Variants in METTL25 observed in about 807,000 individuals in gnomAD.
METTL25 encodes the protein methyltransferase like 25, also known as probable methyltransferase-like protein 25.
In METTL25, 64 loss-of-function variants were observed where a neutral mutation model predicts 71.6. That is an observed-to-expected ratio of 0.89 (90% CI 0.73 to 1.10). The LOEUF is 1.10. Ranked by LOEUF, METTL25 falls within the 50% of genes least tolerant of loss-of-function variation. The probability of loss-of-function intolerance (pLI) is 0.00; values close to 1 mark genes in which losing one functional copy is unlikely to be tolerated. For synonymous variants in METTL25, 287 were observed against 250.3 expected (o/e 1.15, Z -1.38); for missense variants, 807 against 707.0 (o/e 1.14, Z -1.60).
At chr12:82,430,866 T>G (rs1159828493) in intron 5 of METTL25, 27 bp from the exon 6 acceptor site, 1 of 1,165,408 alleles carries the variant, frequency 8.6e-7, no homozygotes, top group Non-Finnish European at 1.2e-6. Flanking sequence ...TTTATTTAAA[T>G]AATCCGTATT....
chr12:82,380,011 T>C (rs1489086802), intron 1 of METTL25, among the ~76,000 whole-genome samples: 1 of 152,202 alleles, frequency 6.6e-6, no homozygotes, highest in Non-Finnish European at 1.5e-5. Flanking sequence ...ATTTGAGGTT[T>C]TAAAAATTCT....
rs761300709 is a variant in METTL25, at chr12:82,358,823, A to G, written c.258A>G (p.Ala86=). 3 of 1,536,742 alleles carry G rather than the reference A, an allele frequency of 2.0e-6. No individual in the cohort carries two copies. Among genetic ancestry groups the G allele is most frequent in the Middle Eastern group, 1.7e-4 (1 of 5,732 alleles). The change falls in exon 1 of 12, where the codon GCA becomes GCG. Residue 86 remains alanine (A), a splice_region_variant and synonymous_variant. Coordinates refer to ENST00000248306, the MANE Select transcript of METTL25 (RefSeq NM_032230.3). The part of the protein sequence containing the change: ...TRPLVEAEWE[A]GMTDFPKIFC... ...CCCTAGTGGAAGCAGAGTGGGAAGC[A>G]GGTGGGTGGTGGGGTAGGCGGGGCG...
At chr12:82,421,053 G>A (rs556141753) in intron 5 of METTL25, among the ~76,000 whole-genome samples, 3 of 152,038 alleles carry the variant, frequency 2.0e-5, no homozygotes, top group Non-Finnish European at 4.4e-5. Flanking sequence ...GTACAGACGG[G>A]GTTTCGCCAT....
intron 9 of METTL25, among the ~76,000 whole-genome samples, chr12:82,467,973 T>C (rs1449655064): frequency 6.6e-6 from 1 of 151,950 alleles, no homozygotes; most frequent in African/African-American, 2.4e-5. Flanking sequence ...ATAGGCTTTT[T>C]TTTATTTTTT....
intron 8 of METTL25, among the ~76,000 whole-genome samples, chr12:82,441,828 C>CACACACACAT (rs1389305192): frequency 6.6e-6 from 1 of 150,772 alleles, no homozygotes; most frequent in Non-Finnish European, 1.5e-5. Flanking sequence ...CACACACACA[C>CACACACACAT]ACACAGAAAA....
intron 9 of METTL25, among the ~76,000 whole-genome samples, chr12:82,466,598 G>C (rs1455591865): frequency 1.3e-5 from 2 of 151,950 alleles, no homozygotes; most frequent in Non-Finnish European, 1.5e-5. Flanking sequence ...ATAAATGTCT[G>C]TTCTGTTAGT....
At chr12:82,437,630 A>G (rs1056194546) in intron 7 of METTL25, among the ~76,000 whole-genome samples, 8 of 151,714 alleles carry the variant, frequency 5.3e-5, no homozygotes, top group Non-Finnish European at 1.0e-4. Context: ...TAATTAAAAC[A>G]TATTTATTCT....
At chr12:82,430,719 A>G (rs951912224) in intron 5 of METTL25, among the ~76,000 whole-genome samples, 174 bp from the exon 6 acceptor site, 1 of 151,718 alleles carries the variant, frequency 6.6e-6, no homozygotes, top group Non-Finnish European at 1.5e-5. Context: ...TTTTCATAAC[A>G]TTTGTATGCT....
Position 82,435,408 on chromosome 12 carries a change from T to G in METTL25, c.1404+684T>G, listed in dbSNP as rs1889843141. ...AATTTTAATAACAAGTATCATTTAC[T>G]GAGTGATTACCCTGGGCCAGAAACA... On this transcript the variant is annotated intron_variant, in intron 7 of 11. Transcript: ENST00000248306. Among the ~76,000 whole-genome samples the G allele has an allele frequency of 1.3e-5, 2 of 151,542 alleles. 1 individual carries two copies. Among genetic ancestry groups the G allele is most frequent in the African/African-American group, 4.8e-5 (2 of 41,384 alleles).
At chr12:82,385,987 C>G (rs1156562628) in intron 1 of METTL25, among the ~76,000 whole-genome samples, 4 of 152,136 alleles carry the variant, frequency 2.6e-5, no homozygotes, top group Non-Finnish European at 5.9e-5. Flanking sequence ...GATCCTCCTA[C>G]AGAGAAGGGC....
intron 9 of METTL25, among the ~76,000 whole-genome samples, chr12:82,467,537 G>A (rs972548658): frequency 6.6e-6 from 1 of 151,954 alleles, no homozygotes; most frequent in Non-Finnish European, 1.5e-5. Flanking sequence ...CTGAAAGATG[G>A]CTTTTCTGGG....
intron 2 of METTL25, among the ~76,000 whole-genome samples, chr12:82,387,290 C>CTAA (rs942645066): frequency 1.3e-5 from 2 of 151,580 alleles, no homozygotes; most frequent in African/African-American, 4.9e-5. Flanking sequence ...TTGCAGCAGG[C>CTAA]TAATGTTCTC....
chr12:82,395,796 G>A (rs900462790), intron 3 of METTL25, among the ~76,000 whole-genome samples: 4 of 152,020 alleles, frequency 2.6e-5, no homozygotes, highest in South Asian at 2.1e-4. Flanking sequence ...CAGCAGGGAC[G>A]TCTATTGTGG....
At chr12:82,360,739 G>A (rs1359249271) in intron 1 of METTL25, among the ~76,000 whole-genome samples, 2 of 152,286 alleles carry the variant, frequency 1.3e-5, no homozygotes, top group South Asian at 2.1e-4. Context: ...GGACTCACAA[G>A]GAGTATGGTC....
At chr12:82,401,702 A>G (rs1166049930) in intron 4 of METTL25, among the ~76,000 whole-genome samples, 1 of 152,054 alleles carries the variant, frequency 6.6e-6, no homozygotes, top group African/African-American at 2.4e-5. Flanking sequence ...TTGGTATTAT[A>G]AAGTACCAAC....
At position 82,399,022 on chromosome 12, in the gene METTL25, AAATAAAG is replaced by A; in HGVS notation, c.760_766del (p.Asn254LeufsTer30). On this transcript the variant is annotated frameshift_variant, in exon 4 of 12. Coordinates refer to ENST00000248306, the MANE Select transcript of METTL25 (RefSeq NM_032230.3). LOFTEE classifies it high-confidence loss of function. ...AAAGGAAAGTGCAAAATAAAGTTAA[AAATAAAG>A]CTGATACTGAGGAAGTGTTTAACAA... 6.2e-7 allele frequency: 1 copy of A among 1,610,534 alleles called. No homozygotes were observed. Among genetic ancestry groups the A allele is most frequent in the South Asian group, 1.1e-5 (1 of 90,490 alleles).
At chr12:82,360,507 G>T (rs1188153414) in intron 1 of METTL25, among the ~76,000 whole-genome samples, 1 of 151,600 alleles carries the variant, frequency 6.6e-6, no homozygotes, top group Non-Finnish European at 1.5e-5. Flanking sequence ...GAGTAAGTAA[G>T]GGGAAGAAGA....
chr12:82,439,836 C>G (rs1245277866), intron 8 of METTL25: 1 of 951,216 alleles, frequency 1.1e-6, no homozygotes, highest in Non-Finnish European at 1.2e-6. Context: ...TACTACCTGC[C>G]TTCTTTAAAG....
chr12:82,430,182 CT>C (rs1034680312), intron 5 of METTL25, among the ~76,000 whole-genome samples: 2 of 148,962 alleles, frequency 1.3e-5, no homozygotes, highest in African/African-American at 2.5e-5. Flanking sequence ...ATAGAAATTG[CT>C]TTTTTTTTCT....
Sources: gnomAD v4.1 joint callset for allele counts (sites outside exome capture counted in the v4.1 genomes callset) on GRCh38, gnomAD v4.1.1 for gene constraint, MANE v1.5 for transcripts, NCBI Gene and HGNC (gene_info 2026-07-23, HGNC 2026-07-21) for gene names.